TRAPPC9: variants seen among roughly 807,000 people sequenced by gnomAD.
TRAPPC9 encodes the protein IKK2 binding protein.
TRAPPC9 carries 83 observed loss-of-function variants against 124.0 expected under a neutral mutation model. The ratio of observed to expected loss-of-function variants is 0.67; its 90% CI spans 0.56 to 0.80. The LOEUF (loss-of-function observed/expected upper bound fraction) is 0.80. Ranked by LOEUF, TRAPPC9 falls within the 30% of genes least tolerant of loss-of-function variation. The pLI is 0.00. For synonymous variants in TRAPPC9, 638 were observed against 617.5 expected (o/e 1.03, Z -0.49); for missense variants, 1,302 against 1,508.3 (o/e 0.86, Z 2.27).
At chr8:139,894,215 C>A (rs1262988852) in intron 20 of TRAPPC9, among the ~76,000 whole-genome samples, 1 of 152,236 alleles carries the variant, frequency 6.6e-6, no homozygotes, top group Non-Finnish European at 1.5e-5. Context: ...TCAGGGCAGC[C>A]CCCTGCACTT....
intron 17 of TRAPPC9, among the ~76,000 whole-genome samples, chr8:140,200,548 C>T (rs991489452): frequency 6.6e-6 from 1 of 152,102 alleles, no homozygotes; most frequent in Non-Finnish European, 1.5e-5. Flanking sequence ...ACCCCTGCGG[C>T]GGCGGCATAA....
intron 19 of TRAPPC9, among the ~76,000 whole-genome samples, chr8:139,971,678 A>AG (rs1043860403): frequency 1.3e-5 from 2 of 152,032 alleles, no homozygotes; most frequent in Non-Finnish European, 2.9e-5. Context: ...ACTTAACATG[A>AG]GGAATCAATG....
intron 2 of TRAPPC9, 126 bp downstream of exon 2, chr8:140,450,664 A>G (rs1196732161): frequency 3.9e-5 from 31 of 802,156 alleles, no homozygotes; most frequent in Non-Finnish European, 6.2e-5. Flanking sequence ...ATTCTGACAG[A>G]AAGTCATTAG....
intron 19 of TRAPPC9, among the ~76,000 whole-genome samples, chr8:139,949,238 T>C (rs989212850): frequency 1.1e-4 from 16 of 152,154 alleles, no homozygotes; most frequent in African/African-American, 2.9e-4. Flanking sequence ...AAGAAAATTA[T>C]GAATAATTTT....
chr8:140,294,506 C>A (rs1242921588), intron 11 of TRAPPC9, among the ~76,000 whole-genome samples: 1 of 152,112 alleles, frequency 6.6e-6, no homozygotes, highest in African/African-American at 2.4e-5. Context: ...TTTGAAAAAT[C>A]ATTTTCTAGA....
chr8:139,739,071 G>C (rs1002282827), intron 21 of TRAPPC9, among the ~76,000 whole-genome samples: 1 of 152,180 alleles, frequency 6.6e-6, no homozygotes, highest in African/African-American at 2.4e-5. Context: ...GAGAGGCCCT[G>C]AGCCTCAGGC....
At chr8:140,369,930 C>A (rs141400793) in intron 8 of TRAPPC9, among the ~76,000 whole-genome samples, 375 of 152,018 alleles carry the variant, frequency 2.5e-3, no homozygotes, top group African/African-American at 8.7e-3. Context: ...CCAGCCTGGG[C>A]AACAAGAGTG....
intron 17 of TRAPPC9, among the ~76,000 whole-genome samples, chr8:140,041,968 CAA>C (rs35612059): frequency 2.2e-5 from 3 of 136,182 alleles, no homozygotes; most frequent in African/African-American, 8.0e-5. Context: ...AAGATTGTCT[CAA>C]AAAAAAAAAA....
At chr8:139,916,368 G>C (rs1429777699) in intron 19 of TRAPPC9, 1 of 152,262 alleles carries the variant, frequency 6.6e-6, no homozygotes, top group African/African-American at 2.4e-5. Context: ...AATAGTGGCT[G>C]CTGTCATGAT....
chr8:139,756,052 G>A (rs77105991), intron 21 of TRAPPC9, among the ~76,000 whole-genome samples: 1 of 121,850 alleles, frequency 8.2e-6, no homozygotes, highest in South Asian at 2.9e-4. Context: ...TTAGGGATGA[G>A]GACAGCAGGT....
chr8:139,818,963 G>C (rs1439368377), intron 21 of TRAPPC9, among the ~76,000 whole-genome samples: 2 of 152,156 alleles, frequency 1.3e-5, no homozygotes, highest in Non-Finnish European at 2.9e-5. Flanking sequence ...TCTAGTACAG[G>C]GGTCCCCAAC....
chr8:140,068,029 G>A (rs1328467170), intron 17 of TRAPPC9, among the ~76,000 whole-genome samples: 7 of 151,986 alleles, frequency 4.6e-5, no homozygotes, highest in African/African-American at 7.3e-5. Context: ...TTTGTTGCCC[G>A]TATTGCTTCT....
chr8:139,929,265 A>G (rs141745953), intron 19 of TRAPPC9, among the ~76,000 whole-genome samples: 55 of 152,336 alleles, frequency 3.6e-4, no homozygotes, highest in African/African-American at 1.3e-3. Flanking sequence ...CGATGTCTCT[A>G]AAGTCTTACA....
chr8:140,279,690 G>A (rs577948157), intron 14 of TRAPPC9, among the ~76,000 whole-genome samples: 19 of 152,150 alleles, frequency 1.2e-4, no homozygotes, highest in South Asian at 2.1e-4. Context: ...ACGCACCCCC[G>A]TCACAGTGCA....
At chr8:140,033,689 T>TGTTTG (rs1840692426) in intron 17 of TRAPPC9, among the ~76,000 whole-genome samples, 1 of 111,396 alleles carries the variant, frequency 9.0e-6, no homozygotes, top group Non-Finnish European at 1.7e-5. Flanking sequence ...TTTTTTTTTT[T>TGTTTG]TTTTTTTTTT....
chr8:139,860,635 T>C (rs10108284), intron 21 of TRAPPC9, among the ~76,000 whole-genome samples: 42,003 of 152,114 alleles, frequency 0.28, 5,893 homozygotes, highest in South Asian at 0.38. Context: ...CCTTCAGCAC[T>C]TCCCCCCAGC....
Position 140,072,771 on chromosome 8 carries a change from G to GTATA in TRAPPC9, c.2557-48696_2557-48693dup, listed in dbSNP as rs140950733. Among the ~76,000 whole-genome samples, 1,370 of 151,866 alleles carry GTATA rather than the reference G, an allele frequency of 9.0e-3. 19 individuals carry two copies. Among genetic ancestry groups the GTATA allele is most frequent in the African/African-American group, 0.028 (1,169 of 41,378 alleles). The stretch of plus-strand genomic sequence containing the variant: ...TATGTACATAAATATATGTGCATAT[G>GTATA]TATATATATATCTTCACTAGATACA... On this transcript the variant is annotated intron_variant, in intron 17 of 22. Transcript: ENST00000438773.
chr8:140,119,911 C>G (rs927034230), intron 17 of TRAPPC9, among the ~76,000 whole-genome samples: 7 of 152,238 alleles, frequency 4.6e-5, no homozygotes, highest in Non-Finnish European at 1.0e-4. Flanking sequence ...CTCCCTCTAA[C>G]CTACTTCCTT....
intron 17 of TRAPPC9, among the ~76,000 whole-genome samples, chr8:140,058,765 G>C (rs955414146): frequency 6.6e-6 from 1 of 152,210 alleles, no homozygotes; most frequent in African/African-American, 2.4e-5. Context: ...AACAAACAAA[G>C]GATGCCTTGT....
Sources: allele counts gnomAD v4.1 joint callset (sites outside exome capture counted in the v4.1 genomes callset), GRCh38; gene constraint gnomAD v4.1.1; transcripts MANE v1.5; gene names NCBI Gene and HGNC (gene_info 2026-07-23, HGNC 2026-07-21).